SDR16C5: variants seen among roughly 807,000 people sequenced by gnomAD.
SDR16C5 encodes the protein epidermal retinol dehydrogenase 2.
In SDR16C5, 20 loss-of-function variants were observed where a neutral mutation model predicts 27.7. The observed-to-expected ratio is 0.72, with a 90% CI of 0.51 to 1.05. The LOEUF is 1.05. Ranked by LOEUF, SDR16C5 falls within the 50% of genes least tolerant of loss-of-function variation. The pLI, the probability that SDR16C5 is intolerant of heterozygous loss-of-function variation, is 0.00. For missense variants in SDR16C5, 374 were observed against 366.3 expected (o/e 1.02, Z -0.17); for synonymous variants, 139 against 132.3 (o/e 1.05, Z -0.35).
rs1331213791 is a variant in SDR16C5, at chr8:56,300,318, C to A, written c.*1162G>T. The A allele has an allele frequency of 2.6e-5, 4 of 152,008 alleles. No homozygotes were observed. The highest frequency in any genetic ancestry group is 9.7e-5 in the African/African-American group (4 of 41,374). 9.4% of individuals were successfully genotyped at this position (152,008 alleles called of 1,614,324 possible). Reference sequence around the variant, plus strand: ...CTGCCCCTATGACAGCATTTTACCCCCAAGATAGTCAAATTCTCAATTCTT... The same window carrying A: ...CTGCCCCTATGACAGCATTTTACCCACAAGATAGTCAAATTCTCAATTCTT... On this transcript the variant is annotated 3_prime_UTR_variant, in exon 7 of 7. Transcript: ENST00000303749.
In SDR16C5 at chr8:56,316,351, C is replaced by T. The variant is rs2129261948; in HGVS notation, c.-4G>A. 3 of 1,604,146 alleles carry T rather than the reference C, an allele frequency of 1.9e-6. No individual in the cohort carries two copies. Among genetic ancestry groups the T allele is most frequent in the Middle Eastern group, 1.7e-4 (1 of 6,020 alleles). ...ATGATTGCAGGTTGAAAGACATGTT[C>T]TGGCTGACACCTGTGAAGAAAGACA... On this transcript the variant is annotated 5_prime_UTR_variant, in exon 2 of 7. Transcript: ENST00000303749.
intron 6 of SDR16C5, among the ~76,000 whole-genome samples, chr8:56,302,260 T>A (rs1814775997): frequency 1.3e-5 from 2 of 152,180 alleles, no homozygotes; most frequent in South Asian, 4.1e-4. Context: ...ATGCTCCTTG[T>A]TCCCCTGTTT....
chr8:56,300,472 T>A lies in SDR16C5; in HGVS notation c.*1008A>T, dbSNP rs760904188. On this transcript the variant is annotated 3_prime_UTR_variant, in exon 7 of 7. Coordinates refer to ENST00000303749, the MANE Select transcript of SDR16C5 (RefSeq NM_138969.4). ...AGCCTGAGAAGGAGTTCCAGGGATA[T>A]GGTAATTAACATATTTTTCTTAATC... The A allele has an allele frequency of 3.3e-5, 5 of 152,202 alleles. No individual in the cohort carries two copies. The highest frequency in any genetic ancestry group is 6.5e-5 in the Admixed American group (1 of 15,284). The allele number at this position is 152,202 out of a possible 1,614,324, so 9.4% of individuals were successfully genotyped here.
chr8:56,312,104 C>G lies in SDR16C5; in HGVS notation c.465+53G>C, dbSNP rs548408577. The stretch of plus-strand genomic sequence containing the variant: ...ATTGTAAAAGAGCAAGAGGAAAATA[C>G]TTCCAAATGCCAGAATAATTTTACA... On this transcript the variant is annotated intron_variant, in intron 3 of 6. Coordinates refer to ENST00000303749, the MANE Select transcript of SDR16C5 (RefSeq NM_138969.4). The G allele has an allele frequency of 2.7e-6, 4 of 1,490,514 alleles. No homozygotes were observed. The East Asian group carries it at 9.1e-5, about 34-fold the overall frequency. 92.3% of individuals were successfully genotyped at this position (1,490,514 alleles called of 1,614,324 possible). A position where few individuals can be genotyped will look rare whatever the true frequency, so the allele number is the denominator to read the frequency against.
rs182151993 is a variant in SDR16C5 at position 56,309,510 on chromosome 8, T to C, written c.466-483A>G. 9.1e-6 allele frequency: 9 copies of C among 985,220 alleles called. No individual in the cohort carries two copies. The Admixed American group carries it at 4.3e-4, about 47-fold the overall frequency. 61.0% of individuals were successfully genotyped at this position (985,220 alleles called of 1,614,324 possible). A position where few individuals can be genotyped will look rare whatever the true frequency, so the allele number is the denominator to read the frequency against. ...AACTCATCTCTTATTTTTGTTCCAT[T>C]TCGTAAAACAGAATATCTATTAGAA... is the stretch of plus-strand genomic sequence containing the variant. On this transcript the variant is annotated intron_variant, in intron 3 of 6. Transcript: ENST00000303749.
chr8:56,312,158 C>G lies in SDR16C5; in HGVS notation c.464G>C (p.Trp155Ser). The G allele has an allele frequency of 6.2e-7, 1 of 1,609,336 alleles. No homozygotes were observed. The highest frequency in any genetic ancestry group is 8.5e-7 in the Non-Finnish European group (1 of 1,175,980). ...SFDVNFKAHL[W>S]TYKAFLPAMI... ...ATGATGAGAAGAAACAATTATTACC[C>G]ATAAATGTGCTTTGAAATTCACATC... Residue 155 changes from tryptophan (W) to serine (S), a missense_variant and splice_region_variant, in exon 3 of 7, where the codon TGG becomes TCG. Physicochemically the swap from Trp to Ser is radical, Grantham distance 177. Coordinates refer to ENST00000303749, the MANE Select transcript of SDR16C5 (RefSeq NM_138969.4).
intron 2 of SDR16C5, among the ~76,000 whole-genome samples, chr8:56,314,900 A>T (rs1268291658): frequency 1.3e-5 from 2 of 152,190 alleles, no homozygotes; most frequent in Non-Finnish European, 2.9e-5. Flanking sequence ...TGGGAGGCAC[A>T]AAGTGTCCCA....
chr8:56,306,359 C>T (rs1169774178), intron 5 of SDR16C5, among the ~76,000 whole-genome samples: 1 of 152,120 alleles, frequency 6.6e-6, no homozygotes, highest in East Asian at 1.9e-4. Context: ...CCAGTTATTT[C>T]TAGTCCTCCT....
chr8:56,319,812 C>G (rs934583765), intron 1 of SDR16C5, among the ~76,000 whole-genome samples: 2 of 152,116 alleles, frequency 1.3e-5, no homozygotes, highest in Non-Finnish European at 2.9e-5. Context: ...AGCTCACCCC[C>G]GGGGGCGAGG....
chr8:56,303,965 C>A, intron 6 of SDR16C5: 1 of 702,890 alleles, frequency 1.4e-6, no homozygotes. Flanking sequence ...CGCTCAGAGT[C>A]ACAGACTTAG....
At chr8:56,309,588 G>A (rs1814972989) in intron 3 of SDR16C5, 2 of 984,666 alleles carry the variant, frequency 2.0e-6, no homozygotes, top group Non-Finnish European at 1.2e-6. Context: ...TGGGGGCCTG[G>A]AGAAAGAAGG....
intron 5 of SDR16C5, 63 bp from the exon 6 acceptor site, chr8:56,305,785 A>C (rs1814868164): frequency 6.6e-7 from 1 of 1,506,152 alleles, no homozygotes; most frequent in Admixed American, 2.5e-5. Flanking sequence ...AATAAAGATA[A>C]TTTTTCAAAT....
intron 1 of SDR16C5, 89 bp from the exon 2 acceptor site, chr8:56,316,450 T>A: frequency 1.3e-6 from 1 of 760,660 alleles, no homozygotes. Context: ...TCTGAAACAG[T>A]GAAAGTAACT....
chr8:56,316,254 G>A lies in SDR16C5; in HGVS notation c.94C>T (p.Pro32Ser), dbSNP rs755026565. Residue 32 changes from proline (P) to serine (S), a missense_variant, in exon 2 of 7, where the codon CCA (proline) becomes TCA (serine). By Grantham distance (74) the Pro-to-Ser change is moderately conservative. Coordinates refer to ENST00000303749, the MANE Select transcript of SDR16C5 (RefSeq NM_138969.4). The part of the protein sequence containing the change: ...LLEAMIFALL[P>S]KPRKNVAGEI... ...CCAGCAACGTTCTTCCGTGGCTTTGGGAGTAAGGCAAAAATCATAGCCTCC... is the reference window on the plus strand; with the variant it reads ...CCAGCAACGTTCTTCCGTGGCTTTGAGAGTAAGGCAAAAATCATAGCCTCC... 6.2e-7 allele frequency: 1 copy of A among 1,613,870 alleles called. No homozygotes were observed. Among genetic ancestry groups the A allele is most frequent in the South Asian group, 1.1e-5 (1 of 91,070 alleles).
intron 4 of SDR16C5, 137 bp from the exon 5 acceptor site, chr8:56,306,957 C>T: frequency 1.4e-6 from 1 of 732,640 alleles, no homozygotes; most frequent in Non-Finnish European, 2.1e-6. Context: ...TGGTCTACTC[C>T]CACTGGAAGA....
At chr8:56,306,615 A>G (rs1814888680) in intron 5 of SDR16C5, 61 bp downstream of exon 5, 2 of 1,439,382 alleles carry the variant, frequency 1.4e-6, no homozygotes, top group South Asian at 2.7e-5. Context: ...AAAAAGAACA[A>G]AATAAAATAG....
chr8:56,306,756 G>A lies in SDR16C5; in HGVS notation c.630C>T (p.Val210=). 1 of 1,613,278 alleles carries A rather than the reference G, an allele frequency of 6.2e-7. No individual in the cohort carries two copies. Among genetic ancestry groups the A allele is most frequent in the Non-Finnish European group, 8.5e-7 (1 of 1,179,814 alleles). Residue 210 remains valine, a synonymous_variant, in exon 5 of 7, where the codon GTC becomes GTT. Coordinates refer to ENST00000303749, the MANE Select transcript of SDR16C5 (RefSeq NM_138969.4). ...FAESVFVETF[V]QKQKGIKTTI... ...TGGTTTTGATCCCCTTTTGTTTTTG[G>A]ACAAATGTTTCTACAAATACAGATT... is the stretch of plus-strand genomic sequence containing the variant.
At chr8:56,311,992 G>A (rs371137968) in intron 3 of SDR16C5, among the ~76,000 whole-genome samples, 165 bp downstream of exon 3, 4 of 152,282 alleles carry the variant, frequency 2.6e-5, no homozygotes, top group African/African-American at 7.2e-5. Context: ...GGGGGCTGTA[G>A]ATTAAGTGGC....
chr8:56,319,840 GC>G (rs1815291488), intron 1 of SDR16C5, among the ~76,000 whole-genome samples: 1 of 152,154 alleles, frequency 6.6e-6, no homozygotes, highest in Non-Finnish European at 1.5e-5. Context: ...GTTAGCCGTA[GC>G]CACGGGAGCC....
Sources: allele counts gnomAD v4.1 joint callset (sites outside exome capture counted in the v4.1 genomes callset), GRCh38; gene constraint gnomAD v4.1.1; transcripts MANE v1.5; gene names NCBI Gene and HGNC (gene_info 2026-07-23, HGNC 2026-07-21).